Variants in CDH4 observed in about 807,000 individuals in gnomAD.
CDH4 encodes cadherin-4.
A neutral mutation model predicts 86.0 loss-of-function variants in CDH4; 33 were observed. That is an observed-to-expected ratio of 0.38 (90% CI 0.29 to 0.51). CDH4 has a LOEUF of 0.51. Ranked by LOEUF, CDH4 falls within the 20% of genes least tolerant of loss-of-function variation. The pLI is 0.86. For missense variants in CDH4, 1,114 were observed against 1,307.4 expected, an observed-to-expected ratio of 0.85 and a Z score of 2.28; for synonymous variants, 555 against 549.4, an observed-to-expected ratio of 1.01 and a Z score of -0.14.
intron 2 of CDH4, among the ~76,000 whole-genome samples, chr20:61,696,025 G>C (rs1173460737): frequency 6.6e-6 from 1 of 152,176 alleles, no homozygotes; most frequent in Admixed American, 6.5e-5. Context: ...CTGCCAGCTG[G>C]GCTGCACCTC....
chr20:61,565,125 G>GTGATGGGGTGGTGA (rs1461107269), intron 2 of CDH4, among the ~76,000 whole-genome samples: 1 of 141,198 alleles, frequency 7.1e-6, no homozygotes, highest in Non-Finnish European at 1.6e-5. Context: ...GGTGCTCTTG[G>GTGATGGGGTGGTGA]TGGTGCTGGT....
intron 2 of CDH4, among the ~76,000 whole-genome samples, chr20:61,649,146 C>T (rs2087095186): frequency 6.6e-6 from 1 of 152,248 alleles, no homozygotes; most frequent in Admixed American, 6.5e-5. Flanking sequence ...TCAACCTCAC[C>T]TGCACACGTG....
intron 2 of CDH4, among the ~76,000 whole-genome samples, chr20:61,624,626 C>T (rs1405198916): frequency 6.6e-6 from 1 of 152,194 alleles, no homozygotes; most frequent in Non-Finnish European, 1.5e-5. Context: ...AGCTTGATGA[C>T]AGGGACAAAG....
At chr20:61,847,701 G>A (rs150898960) in intron 5 of CDH4, among the ~76,000 whole-genome samples, 202 of 152,248 alleles carry the variant, frequency 1.3e-3, no homozygotes, top group African/African-American at 3.9e-3. Flanking sequence ...GTATAGCGCC[G>A]GCATCTCCTT....
chr20:61,818,725 G>A (rs985813575), intron 4 of CDH4, among the ~76,000 whole-genome samples: 43 of 150,268 alleles, frequency 2.9e-4, no homozygotes, highest in East Asian at 1.4e-3. Context: ...TGCTCTCCGC[G>A]TCTTGTATGG....
intron 4 of CDH4, among the ~76,000 whole-genome samples, chr20:61,835,192 A>AGGCATGTGCC (rs368951481): frequency 5.7e-4 from 87 of 152,260 alleles, no homozygotes; most frequent in African/African-American, 2.1e-3. Flanking sequence ...CTGGGTCTAC[A>AGGCATGTGCC]GGCATGTGCC....
Position 61,561,489 on chromosome 20 carries a change from C to T in CDH4, c.170-182074C>T, listed in dbSNP as rs78733069. 4.7e-3 allele frequency among the ~76,000 whole-genome samples: 710 copies of T among 152,350 alleles called. 3 individuals carry two copies. The highest frequency in any genetic ancestry group is 0.015 in the African/African-American group (640 of 41,578). ...CTTCCCGTCTCCTCCAAGTGGCCTGCGTGTGTCCAATGTACTTAGAAAAGG... is the reference window on the plus strand; with the variant it reads ...CTTCCCGTCTCCTCCAAGTGGCCTGTGTGTGTCCAATGTACTTAGAAAAGG... On this transcript the variant is annotated intron_variant, in intron 2 of 15. Transcript: ENST00000614565.
intron 4 of CDH4, among the ~76,000 whole-genome samples, chr20:61,776,125 G>A (rs572201507): frequency 2.6e-5 from 4 of 152,296 alleles, no homozygotes; most frequent in South Asian, 2.1e-4. Flanking sequence ...CAGTTGTCCT[G>A]TTGATGAGAA....
intron 7 of CDH4, among the ~76,000 whole-genome samples, chr20:61,886,522 G>A (rs963261895): frequency 2.0e-5 from 3 of 152,070 alleles, no homozygotes; most frequent in South Asian, 2.1e-4. Flanking sequence ...CCCAGGACAG[G>A]AGCATGCATC....
intron 13 of CDH4, among the ~76,000 whole-genome samples, chr20:61,930,482 A>G: frequency 6.6e-6 from 1 of 152,108 alleles, no homozygotes; most frequent in Middle Eastern, 3.2e-3. Context: ...GTGGTCTGTG[A>G]TACCCCAGGG....
At chr20:61,837,767 C>T (rs915925608) in intron 4 of CDH4, among the ~76,000 whole-genome samples, 2 of 152,050 alleles carry the variant, frequency 1.3e-5, no homozygotes, top group Non-Finnish European at 2.9e-5. Flanking sequence ...GAGCACCCCC[C>T]CCGTGGGTCT....
At chr20:61,284,125 GA>G (rs1286760969) in intron 2 of CDH4, among the ~76,000 whole-genome samples, 2 of 146,192 alleles carry the variant, frequency 1.4e-5, no homozygotes, top group Non-Finnish European at 3.0e-5. Flanking sequence ...CTAACACGGT[GA>G]AAACCCATCT....
At position 61,254,864 on chromosome 20, in the gene CDH4, G is replaced by T. The variant is rs1473802201; in HGVS notation, c.96G>T (p.Lys32Asn). Reference protein sequence around the residue: ...NEDLTTRETCKAGFSEDDYTA... With the variant: ...NEDLTTRETCNAGFSEDDYTA... ...ATCTTACAACTAGAGAGACCTGCAAGGCTGGGTTCTCTGAAGATGATTACA... is the reference window on the plus strand; with the variant it reads ...ATCTTACAACTAGAGAGACCTGCAATGCTGGGTTCTCTGAAGATGATTACA... Residue 32 changes from lysine to asparagine, a missense_variant, in exon 2 of 16, where the codon AAG becomes AAT. Lys to Asn is a moderately conservative substitution (Grantham distance 94). This residue lies in a region of CDH4 where 221 missense variants were observed against 209.5 expected (regional missense o/e 1.05). Transcript: ENST00000614565. The T allele has an allele frequency of 1.2e-6, 2 of 1,613,078 alleles. No individual in the cohort carries two copies. Among genetic ancestry groups the T allele is most frequent in the Non-Finnish European group, 1.7e-6 (2 of 1,179,016 alleles).
intron 2 of CDH4, among the ~76,000 whole-genome samples, chr20:61,489,565 A>C (rs1346880690): frequency 6.6e-6 from 1 of 152,256 alleles, no homozygotes; most frequent in African/African-American, 2.4e-5. Flanking sequence ...CTCCTTCCCC[A>C]GGGGGCTGAG....
chr20:61,827,262 A>G (rs1436016553), intron 4 of CDH4, among the ~76,000 whole-genome samples: 1 of 152,182 alleles, frequency 6.6e-6, no homozygotes, highest in Non-Finnish European at 1.5e-5. Flanking sequence ...CACCGGTGGG[A>G]ATTATTTTAA....
chr20:61,620,757 T>C (rs1442208498), intron 2 of CDH4, among the ~76,000 whole-genome samples: 2 of 152,244 alleles, frequency 1.3e-5, no homozygotes, highest in Admixed American at 6.5e-5. Flanking sequence ...TGTTTGTTTG[T>C]TTACTTGTTT....
intron 2 of CDH4, among the ~76,000 whole-genome samples, chr20:61,524,269 A>G (rs1323843080): frequency 6.6e-6 from 1 of 152,164 alleles, no homozygotes; most frequent in African/African-American, 2.4e-5. Flanking sequence ...CGAGTCATTT[A>G]AAAATACCCA....
At chr20:61,891,845 T>G (rs147268326) in intron 7 of CDH4, among the ~76,000 whole-genome samples, 4 of 152,290 alleles carry the variant, frequency 2.6e-5, no homozygotes, top group Non-Finnish European at 5.9e-5. Context: ...GACTGCCTCT[T>G]CCTGGAAGCC....
At chr20:61,698,716 C>G (rs1304225803) in intron 2 of CDH4, among the ~76,000 whole-genome samples, 3 of 152,222 alleles carry the variant, frequency 2.0e-5, no homozygotes, top group Non-Finnish European at 4.4e-5. Context: ...CTCAGCAGAT[C>G]CCTGGTCCCC....
Sources: gnomAD v4.1 joint callset for allele counts (sites outside exome capture counted in the v4.1 genomes callset) on GRCh38, gnomAD v4.1.1 for gene constraint, gnomAD v4.1.1 regional missense constraint, MANE v1.5 for transcripts, NCBI Gene and HGNC (gene_info 2026-07-23, HGNC 2026-07-21) for gene names.